The following CNTLN variants were observed in gnomAD, a reference collection of about 807,000 sequenced individuals.
CNTLN encodes centlein.
A neutral mutation model predicts 180.0 loss-of-function variants in CNTLN; 212 were observed. The observed-to-expected ratio is 1.18, with a 90% CI of 1.05 to 1.32. CNTLN has a LOEUF of 1.32. Ranked by LOEUF, CNTLN falls within the 40% of genes most tolerant of loss-of-function variation. CNTLN has a pLI of 0.00. For missense variants in CNTLN, 2,095 were observed against 1,610.9 expected (o/e 1.30, Z -5.14); for synonymous variants, 722 against 563.1 (o/e 1.28, Z -3.99).
rs1037432366 is a variant in CNTLN, at chr9:17,388,169, C to T, written c.1995C>T (p.Leu665=). The T allele has an allele frequency of 6.2e-7, 1 of 1,606,036 alleles. No individual in the cohort carries two copies. The highest frequency in any genetic ancestry group is 8.5e-7 in the Non-Finnish European group (1 of 1,173,632). ...RCVAERREEQ[L]FRSGEDDEVK... ...TTATTTATTCTCTACCAGAACAGCT[C>T]TTTAGATCTGGTGAAGATGATGAGG... The change falls in exon 14 of 26, where the codon CTC becomes CTT. Residue 665 remains leucine (L), a synonymous_variant. Coordinates refer to ENST00000380647, the MANE Select transcript of CNTLN (RefSeq NM_017738.4).
chr9:17,287,234 C>G (rs905838632), intron 6 of CNTLN, among the ~76,000 whole-genome samples: 3 of 151,730 alleles, frequency 2.0e-5, no homozygotes, highest in African/African-American at 7.3e-5. Flanking sequence ...TGAATTTTGT[C>G]AAAGGCTTTT....
intron 20 of CNTLN, among the ~76,000 whole-genome samples, 163 bp from the exon 21 acceptor site, chr9:17,464,334 A>G (rs1382971283): frequency 2.0e-5 from 3 of 151,432 alleles, no homozygotes; most frequent in African/African-American, 4.8e-5. Flanking sequence ...AAATATTAAA[A>G]GAACAATATC....
intron 16 of CNTLN, among the ~76,000 whole-genome samples, chr9:17,411,798 C>A (rs1309080768): frequency 6.6e-6 from 1 of 152,042 alleles, no homozygotes; most frequent in East Asian, 1.9e-4. Context: ...CCCACTCCAC[C>A]CCCTATCCAT....
intron 18 of CNTLN, among the ~76,000 whole-genome samples, chr9:17,455,064 A>C (rs1831033330): frequency 6.6e-6 from 1 of 152,218 alleles, no homozygotes; most frequent in East Asian, 1.9e-4. Flanking sequence ...ACTTGTAAGC[A>C]AAAGAAAGTT....
intron 25 of CNTLN, among the ~76,000 whole-genome samples, chr9:17,491,931 GT>G (rs1365472664): frequency 0.039 from 5,885 of 152,062 alleles, 385 homozygotes; most frequent in African/African-American, 0.13. Context: ...TTAACTGAAA[GT>G]TTCTCCTTGC....
chr9:17,175,095 G>C (rs528085411), intron 2 of CNTLN, among the ~76,000 whole-genome samples: 4 of 152,234 alleles, frequency 2.6e-5, no homozygotes, highest in African/African-American at 9.6e-5. Flanking sequence ...TATAGCTTGT[G>C]TTTCATCCTC....
intron 19 of CNTLN, among the ~76,000 whole-genome samples, chr9:17,458,451 G>C (rs976672197): frequency 6.6e-6 from 1 of 151,882 alleles, no homozygotes; most frequent in Admixed American, 6.6e-5. Flanking sequence ...GTATATATGG[G>C]ACCATTGCTA....
intron 6 of CNTLN, among the ~76,000 whole-genome samples, chr9:17,291,600 C>G (rs911637509): frequency 3.3e-5 from 5 of 152,124 alleles, no homozygotes; most frequent in Admixed American, 1.3e-4. Context: ...GGTTTAAAGT[C>G]TATTTTGTCA....
intron 5 of CNTLN, among the ~76,000 whole-genome samples, chr9:17,273,382 T>G (rs977174588): frequency 1.3e-5 from 2 of 152,134 alleles, no homozygotes; most frequent in African/African-American, 4.8e-5. Flanking sequence ...TAAGTAAATG[T>G]CTATAATTTG....
intron 2 of CNTLN, among the ~76,000 whole-genome samples, chr9:17,174,797 T>C (rs993425187): frequency 9.2e-5 from 14 of 152,214 alleles, no homozygotes; most frequent in Non-Finnish European, 1.6e-4. Context: ...ATTTGGTTTA[T>C]CTGCTTCTTC....
At chr9:17,145,730 T>G (rs957760327) in intron 2 of CNTLN, among the ~76,000 whole-genome samples, 3 of 152,216 alleles carry the variant, frequency 2.0e-5, no homozygotes, top group Non-Finnish European at 2.9e-5. Context: ...CATCATAGGT[T>G]TTCTTTTCGT....
At chr9:17,183,576 G>A (rs1030065879) in intron 2 of CNTLN, among the ~76,000 whole-genome samples, 5 of 151,760 alleles carry the variant, frequency 3.3e-5, no homozygotes, top group Non-Finnish European at 5.9e-5. Flanking sequence ...AAATGTTCAC[G>A]TGAAACACTA....
intron 2 of CNTLN, among the ~76,000 whole-genome samples, chr9:17,183,500 AAGG>A (rs1053310560): frequency 2.0e-4 from 31 of 152,006 alleles, no homozygotes; most frequent in Non-Finnish European, 3.5e-4. Flanking sequence ...TTTTGTAAAA[AAGG>A]AGAAGAATAT....
chr9:17,375,742 G>A (rs1824706729), intron 13 of CNTLN, among the ~76,000 whole-genome samples: 7 of 152,080 alleles, frequency 4.6e-5, no homozygotes, highest in Admixed American at 4.6e-4. Context: ...GAGTTAGAAG[G>A]AAATTTGGAG....
chr9:17,177,791 C>A (rs1212536716), intron 2 of CNTLN, among the ~76,000 whole-genome samples: 3 of 152,114 alleles, frequency 2.0e-5, no homozygotes, highest in Non-Finnish European at 4.4e-5. Context: ...AAAGAGTGAG[C>A]AGCAGCGAGA....
intron 6 of CNTLN, among the ~76,000 whole-genome samples, chr9:17,292,816 C>T (rs1214886242): frequency 6.6e-6 from 1 of 150,798 alleles, no homozygotes; most frequent in African/African-American, 2.4e-5. Context: ...TCATCCATCT[C>T]CACCTCCGCC....
intron 10 of CNTLN, among the ~76,000 whole-genome samples, chr9:17,337,078 C>CA (rs1481660069): frequency 6.6e-6 from 1 of 152,168 alleles, no homozygotes; most frequent in East Asian, 1.9e-4. Context: ...AGCTTTTTTT[C>CA]ATATGTTTGT....
At chr9:17,194,172 C>T (rs1821973338) in intron 2 of CNTLN, among the ~76,000 whole-genome samples, 1 of 152,206 alleles carries the variant, frequency 6.6e-6, no homozygotes, top group African/African-American at 2.4e-5. Context: ...CTGACATGCC[C>T]TGGAGACATT....
chr9:17,151,367 A>G (rs1231429916), intron 2 of CNTLN, among the ~76,000 whole-genome samples: 1 of 152,144 alleles, frequency 6.6e-6, no homozygotes. Flanking sequence ...TAGGTGTTGA[A>G]TTTTATTGAA....
Sources: allele counts gnomAD v4.1 joint callset (sites outside exome capture counted in the v4.1 genomes callset), GRCh38; gene constraint gnomAD v4.1.1; transcripts MANE v1.5; gene names NCBI Gene and HGNC (gene_info 2026-07-23, HGNC 2026-07-21).